The following ZNF93 variants were observed in gnomAD, a reference collection of about 807,000 sequenced individuals.
ZNF93 encodes the protein zinc finger protein 93.
A neutral mutation model predicts 45.0 loss-of-function variants in ZNF93; 29 were observed. The ratio of observed to expected loss-of-function variants is 0.64; its 90% CI spans 0.48 to 0.88. The LOEUF (loss-of-function observed/expected upper bound fraction) is 0.88, where lower values mean the gene tolerates loss of function less well. Among genes scored for constraint, ZNF93 ranks in the 40% least tolerant of loss-of-function variants. The pLI is 0.00. For missense variants in ZNF93, 578 were observed against 724.0 expected (o/e 0.80, Z 2.31); for synonymous variants, 223 against 244.6 (o/e 0.91, Z 0.82).
intron 3 of ZNF93, among the ~76,000 whole-genome samples, chr19:19,927,950 G>T (rs1357124508): frequency 6.6e-6 from 1 of 152,152 alleles, no homozygotes; most frequent in Non-Finnish European, 1.5e-5. Context: ...GTTTTACCAT[G>T]TTGGCCAGGC....
chr19:19,921,912 G>T (rs534401785), intron 3 of ZNF93, among the ~76,000 whole-genome samples: 1 of 152,248 alleles, frequency 6.6e-6, no homozygotes, highest in South Asian at 2.1e-4. Flanking sequence ...GCCAGTCTTT[G>T]TCTTTTAATT....
intron 2 of ZNF93, among the ~76,000 whole-genome samples, chr19:19,916,008 G>A (rs1231607061): frequency 6.6e-6 from 1 of 151,496 alleles, no homozygotes; most frequent in Non-Finnish European, 1.5e-5. Context: ...ACCAATTTTT[G>A]ATTCAGTGGT....
chr19:19,931,887 C>T (rs1003666827), intron 3 of ZNF93: 7 of 250,696 alleles, frequency 2.8e-5, no homozygotes, highest in East Asian at 1.5e-4. Flanking sequence ...AGATTACATA[C>T]ATCTTAAAGT....
chr19:19,920,409 C>CT (rs1283422100), intron 3 of ZNF93, among the ~76,000 whole-genome samples: 3 of 152,088 alleles, frequency 2.0e-5, no homozygotes, highest in African/African-American at 7.2e-5. Flanking sequence ...CTAAAATTCT[C>CT]TTTTTTTGTT....
chr19:19,929,844 A>G (rs28829105), intron 3 of ZNF93, among the ~76,000 whole-genome samples: 13,876 of 146,128 alleles, frequency 0.095, 1,208 homozygotes, highest in African/African-American at 0.24. Flanking sequence ...AGGCTGAGGC[A>G]GGAGAATGGC....
At chr19:19,926,802 A>ATATATG (rs1444587681) in intron 3 of ZNF93, among the ~76,000 whole-genome samples, 1 of 152,172 alleles carries the variant, frequency 6.6e-6, no homozygotes, top group Admixed American at 6.5e-5. Flanking sequence ...CAATCAGATT[A>ATATATG]TATATGTATA....
intron 3 of ZNF93, among the ~76,000 whole-genome samples, chr19:19,919,390 G>T (rs1363185349): frequency 6.6e-6 from 1 of 152,174 alleles, no homozygotes; most frequent in African/African-American, 2.4e-5. Context: ...GTAGCATGAT[G>T]CCTCCAGCTT....
chr19:19,926,625 T>A (rs999154343), intron 3 of ZNF93, among the ~76,000 whole-genome samples: 21 of 151,870 alleles, frequency 1.4e-4, no homozygotes, highest in Admixed American at 1.3e-3. Flanking sequence ...AGTGCTAAGA[T>A]TACAGGTGTG....
Position 19,901,078 on chromosome 19 carries a change from G to T in ZNF93, c.-11G>T, listed in dbSNP as rs771728165. 3.7e-6 allele frequency: 6 copies of T among 1,613,412 alleles called. No individual in the cohort carries two copies. The South Asian group carries it at 6.6e-5, about 18-fold the overall frequency. ...CACAGCTAAGACACCAGGACCCCTG[G>T]AAGCCTAGAAATGGTGAGAGTGCCG... On this transcript the variant is annotated 5_prime_UTR_variant, in exon 1 of 4. Coordinates refer to ENST00000343769, the MANE Select transcript of ZNF93 (RefSeq NM_031218.4).
intron 1 of ZNF93, among the ~76,000 whole-genome samples, chr19:19,912,320 G>T (rs907980893): frequency 1.3e-5 from 2 of 152,154 alleles, no homozygotes; most frequent in African/African-American, 4.8e-5. Flanking sequence ...GACGTGTTCA[G>T]ATTCATCCTT....
Position 19,902,822 on chromosome 19 carries a change from C to T in ZNF93, c.3+1731C>T, listed in dbSNP as rs376768877. Among the ~76,000 whole-genome samples, 59 of 151,372 alleles carry T rather than the reference C, an allele frequency of 3.9e-4. No individual in the cohort carries two copies. The East Asian group carries it at 0.011, about 27-fold the overall frequency. The stretch of plus-strand genomic sequence containing the variant: ...TGCGATCTCGACTCACTGCAAGCTC[C>T]GCCTCCCGGGTTCACGCCATTCTCC... On this transcript the variant is annotated intron_variant, in intron 1 of 3. Coordinates refer to ENST00000343769, the MANE Select transcript of ZNF93 (RefSeq NM_031218.4).
intron 1 of ZNF93, chr19:19,907,767 G>T (rs1335337851): frequency 2.6e-5 from 4 of 152,012 alleles, no homozygotes; most frequent in African/African-American, 7.3e-5. Flanking sequence ...TTGAACTCCT[G>T]ACCTCAGGTG....
At position 19,933,639 on chromosome 19, in the gene ZNF93, A is replaced by G. The variant is rs781668041; in HGVS notation, c.684A>G (p.Pro228=). ...AGAGAATTCATACTGGAGAGAAACC[A>G]TACAAGTGTGATAAATGTGACAAAG... ...THKRIHTGEK[P]YKCDKCDKAF... The change falls in exon 4 of 4, where the codon CCA becomes CCG. Residue 228 remains proline (P), a synonymous_variant. Transcript: ENST00000343769. 1.2e-6 allele frequency: 2 copies of G among 1,611,392 alleles called. No homozygotes were observed. Among genetic ancestry groups the G allele is most frequent in the Non-Finnish European group, 1.7e-6 (2 of 1,178,852 alleles).
At chr19:19,923,248 G>A (rs1029216277) in intron 3 of ZNF93, among the ~76,000 whole-genome samples, 3 of 152,140 alleles carry the variant, frequency 2.0e-5, no homozygotes, top group Non-Finnish European at 2.9e-5. Context: ...GCAGAACAGC[G>A]AATATTGGTG....
chr19:19,903,068 G>T (rs746720286), intron 1 of ZNF93, among the ~76,000 whole-genome samples: 5 of 152,138 alleles, frequency 3.3e-5, no homozygotes, highest in Non-Finnish European at 5.9e-5. Context: ...CGATGAAGTT[G>T]TTATTGTTTT....
chr19:19,913,342 G>A (rs1228548402), intron 1 of ZNF93, among the ~76,000 whole-genome samples: 1 of 152,156 alleles, frequency 6.6e-6, no homozygotes, highest in Admixed American at 6.5e-5. Flanking sequence ...CCTCCCCACA[G>A]CTTCTGTTTA....
intron 3 of ZNF93, among the ~76,000 whole-genome samples, chr19:19,924,943 C>T (rs1465135488): frequency 6.6e-6 from 1 of 152,182 alleles, no homozygotes; most frequent in Non-Finnish European, 1.5e-5. Context: ...GTGGTTCAGG[C>T]AACTGAAATT....
intron 1 of ZNF93, among the ~76,000 whole-genome samples, chr19:19,914,545 T>C (rs888653518): frequency 6.6e-6 from 1 of 152,232 alleles, no homozygotes; most frequent in African/African-American, 2.4e-5. Flanking sequence ...TGGTTAATGA[T>C]TCACTTGGTG....
At chr19:19,911,532 A>G (rs1401127848) in intron 1 of ZNF93, among the ~76,000 whole-genome samples, 2 of 152,286 alleles carry the variant, frequency 1.3e-5, no homozygotes, top group African/African-American at 4.8e-5. Flanking sequence ...TCCACTTCAT[A>G]TGGGCATTAA....
Sources: gnomAD v4.1 joint callset for allele counts (sites outside exome capture counted in the v4.1 genomes callset) on GRCh38, gnomAD v4.1.1 for gene constraint, MANE v1.5 for transcripts, NCBI Gene and HGNC (gene_info 2026-07-23, HGNC 2026-07-21) for gene names.